The following CEP63 variants were observed in gnomAD, a reference collection of about 807,000 sequenced individuals.
The protein encoded by CEP63 is centrosomal protein 63, also known as centrosomal protein of 63 kDa.
A neutral mutation model predicts 89.1 loss-of-function variants in CEP63; 84 were observed. The observed-to-expected ratio is 0.94, with a 90% confidence interval of 0.79 to 1.13. The LOEUF is 1.13. CEP63 is among the 50% of genes most tolerant of loss of function. CEP63 has a pLI of 0.00. For synonymous variants in CEP63, 267 were observed against 272.5 expected (o/e 0.98, Z 0.20); for missense variants, 838 against 813.3 (o/e 1.03, Z -0.37).
downstream of CEP63, among the ~76,000 whole-genome samples, chr3:134,577,026 G>A: frequency 6.6e-6 from 1 of 152,186 alleles, no homozygotes; most frequent in East Asian, 1.9e-4. Flanking sequence ...ACTAGTGTTG[G>A]CGTAGTAAAG....
the CEP63 span, among the ~76,000 whole-genome samples, chr3:134,719,903 T>C: frequency 6.6e-5 from 10 of 152,334 alleles, no homozygotes; most frequent in African/African-American, 2.4e-4. Context: ...TTCCTACTTT[T>C]CACTTATTAT....
At chr3:134,711,853 C>T in the CEP63 span, among the ~76,000 whole-genome samples, 5 of 151,726 alleles carry the variant, frequency 3.3e-5, no homozygotes, top group African/African-American at 1.2e-4. Context: ...ACCTCTGCCC[C>T]CTGGGTTCAA....
the CEP63 span, among the ~76,000 whole-genome samples, chr3:134,741,706 T>C: frequency 6.6e-6 from 1 of 152,256 alleles, no homozygotes; most frequent in Non-Finnish European, 1.5e-5. Context: ...CAAGTGATTT[T>C]AAAAAAGATA....
At chr3:134,718,331 T>C in the CEP63 span, among the ~76,000 whole-genome samples, 1 of 152,204 alleles carries the variant, frequency 6.6e-6, no homozygotes, top group African/African-American at 2.4e-5. Context: ...GAAGCCAACA[T>C]AGAGAAAAAC....
intron 6 of CEP63, among the ~76,000 whole-genome samples, chr3:134,538,755 A>G (rs893609196): frequency 2.0e-5 from 3 of 151,516 alleles, no homozygotes; most frequent in African/African-American, 4.8e-5. Flanking sequence ...CTTCAGATTG[A>G]CAAAAAAGCA....
chr3:134,762,868 G>A, the CEP63 span, among the ~76,000 whole-genome samples: 8 of 152,074 alleles, frequency 5.3e-5, no homozygotes, highest in African/African-American at 9.7e-5. Context: ...CAAAACAAAC[G>A]AACGAACAAC....
the CEP63 span, among the ~76,000 whole-genome samples, chr3:134,617,901 G>A: frequency 6.6e-6 from 1 of 152,238 alleles, no homozygotes; most frequent in South Asian, 2.1e-4. Flanking sequence ...TGATCCTTTA[G>A]TGATGTTAGG....
At chr3:134,679,106 T>C in the CEP63 span, among the ~76,000 whole-genome samples, 1 of 151,780 alleles carries the variant, frequency 6.6e-6, no homozygotes, top group Non-Finnish European at 1.5e-5. Flanking sequence ...GGATGGTAGT[T>C]TACTCAAAAG....
At chr3:134,754,900 AGGAG>A in the CEP63 span, among the ~76,000 whole-genome samples, 1 of 152,212 alleles carries the variant, frequency 6.6e-6, no homozygotes, top group East Asian at 1.9e-4. Context: ...CCAGAGGGCT[AGGAG>A]GGACATTTGG....
At chr3:134,633,737 C>CT in the CEP63 span, among the ~76,000 whole-genome samples, 8 of 152,196 alleles carry the variant, frequency 5.3e-5, no homozygotes, top group African/African-American at 1.7e-4. Flanking sequence ...TAATATTGTA[C>CT]TGGAAGTCCC....
intron 2 of CEP63, among the ~76,000 whole-genome samples, chr3:134,497,609 A>ATCC (rs1300342206): frequency 2.0e-5 from 3 of 152,050 alleles, no homozygotes; most frequent in African/African-American, 7.2e-5. Context: ...GCCTCAAGTG[A>ATCC]TCCTCCTGCC....
chr3:134,677,217 C>T, the CEP63 span, among the ~76,000 whole-genome samples: 1 of 152,168 alleles, frequency 6.6e-6, no homozygotes, highest in South Asian at 2.1e-4. Flanking sequence ...GCAGATGGCG[C>T]CATTGCACTC....
At chr3:134,624,991 G>T in the CEP63 span, 1 of 1,424,208 alleles carries the variant, frequency 7.0e-7, no homozygotes, top group Non-Finnish European at 9.7e-7. Flanking sequence ...GAGAGGTTTT[G>T]CTGCCCTAGA....
At chr3:134,617,590 C>T in the CEP63 span, among the ~76,000 whole-genome samples, 1 of 152,196 alleles carries the variant, frequency 6.6e-6, no homozygotes, top group Non-Finnish European at 1.5e-5. Flanking sequence ...TGGTGAGATT[C>T]AGAGTAATAA....
the CEP63 span, among the ~76,000 whole-genome samples, chr3:134,667,938 A>G: frequency 6.6e-6 from 1 of 152,242 alleles, no homozygotes; most frequent in Non-Finnish European, 1.5e-5. Flanking sequence ...TTCAAATTGT[A>G]TTAAAAGATA....
At chr3:134,626,166 G>A in the CEP63 span, among the ~76,000 whole-genome samples, 1 of 152,238 alleles carries the variant, frequency 6.6e-6, no homozygotes, top group East Asian at 1.9e-4. Context: ...AAGAAGTTGG[G>A]ACCAAAGAGG....
intron 6 of CEP63, 123 bp from the exon 7 acceptor site, chr3:134,545,463 T>C (rs2109582928): frequency 4.0e-6 from 3 of 748,758 alleles, no homozygotes; most frequent in East Asian, 2.7e-5. Flanking sequence ...GCAATATATA[T>C]ATATATATTT....
At chr3:134,615,280 G>A in the CEP63 span, 1 of 152,374 alleles carries the variant, frequency 6.6e-6, no homozygotes, top group Admixed American at 6.6e-5. Flanking sequence ...TGCCTTGCCT[G>A]GGGACACACA....
the CEP63 span, chr3:134,612,979 A>C: frequency 6.5e-6 from 1 of 153,538 alleles, no homozygotes; most frequent in Admixed American, 6.5e-5. Flanking sequence ...AAAGCCATAA[A>C]TACTACTTAA....
Sources: allele counts gnomAD v4.1 joint callset (sites outside exome capture counted in the v4.1 genomes callset), GRCh38; gene constraint gnomAD v4.1.1; transcripts MANE v1.5; gene names NCBI Gene and HGNC (gene_info 2026-07-23, HGNC 2026-07-21).